ARVCF: variants seen among roughly 807,000 people sequenced by gnomAD.
ARVCF encodes ARVCF delta catenin family member, also known as splicing regulator ARVCF.
Under a neutral mutation model 90.9 loss-of-function variants are expected in ARVCF, and 66 were observed. The observed-to-expected ratio is 0.73, with a 90% CI of 0.60 to 0.89. ARVCF has a LOEUF of 0.89. Ranked by LOEUF, ARVCF falls within the 40% of genes least tolerant of loss-of-function variation. The probability of loss-of-function intolerance (pLI) is 0.00; values close to 1 mark genes in which losing one functional copy is unlikely to be tolerated. For synonymous variants in ARVCF, 653 were observed against 603.4 expected, an observed-to-expected ratio of 1.08 and a Z score of -1.21; for missense variants, 1,469 against 1,382.3, an observed-to-expected ratio of 1.06 and a Z score of -1.00.
intron 4 of ARVCF, 81 bp downstream of exon 4, chr22:19,981,852 G>A: frequency 6.4e-7 from 1 of 1,563,586 alleles, no homozygotes; most frequent in Non-Finnish European, 8.7e-7. Context: ...CACGTGGCAA[G>A]CTTCCATGTC....
At chr22:19,972,855 G>A in intron 15 of ARVCF, 28 bp from the exon 16 acceptor site, 3 of 1,613,654 alleles carry the variant, frequency 1.9e-6, no homozygotes, top group East Asian at 4.5e-5. Context: ...GACACAGGGT[G>A]GGTGAAGCAC....
At chr22:19,981,127 T>C in intron 5 of ARVCF, 84 bp downstream of exon 5, 1 of 1,435,262 alleles carries the variant, frequency 7.0e-7, no homozygotes, top group Non-Finnish European at 9.2e-7. Context: ...ACTGCGCCAC[T>C]TGACAAGTGG....
chr22:19,996,204 C>T (rs1218135238), intron 2 of ARVCF, among the ~76,000 whole-genome samples: 5 of 151,974 alleles, frequency 3.3e-5, no homozygotes, highest in East Asian at 2.0e-4. Flanking sequence ...GTGTTGGATC[C>T]GGGGTGCCTG....
At chr22:20,015,822 C>T (rs1945070163) in intron 1 of ARVCF, among the ~76,000 whole-genome samples, 1 of 152,070 alleles carries the variant, frequency 6.6e-6, no homozygotes, top group African/African-American at 2.4e-5. Flanking sequence ...AGCTGAAGTC[C>T]TTTAGTTCCA....
chr22:19,973,106 C>T lies in ARVCF; in HGVS notation c.2438+13G>A. On this transcript the variant is annotated intron_variant, in intron 14 of 19. Transcript: ENST00000263207. ...CCGCGGCTCCCCAAGCCACCGACCC[C>T]GCCCCTCCACACCTGGAGGCCACGA... is the stretch of plus-strand genomic sequence containing the variant. The T allele has an allele frequency of 6.2e-7, 1 of 1,601,952 alleles. No individual in the cohort carries two copies. The highest frequency in any genetic ancestry group is 1.1e-5 in the South Asian group (1 of 90,204).
chr22:20,014,838 C>A (rs559330224), intron 1 of ARVCF, among the ~76,000 whole-genome samples: 1 of 152,316 alleles, frequency 6.6e-6, no homozygotes, highest in South Asian at 2.1e-4. Flanking sequence ...CAGCCTCATG[C>A]TCCCCCAGGC....
At position 20,003,452 on chromosome 22, in the gene ARVCF, A is replaced by C. The variant is rs908126713; in HGVS notation, c.-19+7003T>G. Among the ~76,000 whole-genome samples the C allele has an allele frequency of 2.6e-5, 4 of 152,316 alleles. 1 individual carries two copies. The highest frequency in any genetic ancestry group is 4.4e-5 in the Non-Finnish European group (3 of 68,030). The stretch of plus-strand genomic sequence containing the variant: ...TAACCCTTATGAATACTGAAACAAA[A>C]ATTCTCAAAACAAACAAACAAACAA... On this transcript the variant is annotated intron_variant, in intron 2 of 19. Coordinates refer to ENST00000263207, the MANE Select transcript of ARVCF (RefSeq NM_001670.3).
chr22:19,980,890 G>C (rs112155095), intron 5 of ARVCF: 3 of 332,730 alleles, frequency 9.0e-6, no homozygotes, highest in Middle Eastern at 8.1e-4. Context: ...CAGAAACTGA[G>C]GGCAATGGGG....
chr22:20,008,218 G>A (rs1008313015), intron 2 of ARVCF, among the ~76,000 whole-genome samples: 2 of 152,178 alleles, frequency 1.3e-5, no homozygotes, highest in Middle Eastern at 3.2e-3. Context: ...GGGGCCAGGC[G>A]GCCGCAGGAG....
chr22:19,982,024 G>T lies in ARVCF; in HGVS notation c.278C>A (p.Thr93Asn), dbSNP rs778427475. ...MPEAPDVLEE[T>N]VTVEEDPGTP... Reference sequence around the variant, plus strand: ...GCCGGGGTCCTCCTCCACCGTCACGGTCTCCTCCAGCACATCAGGTGCCTC... The same window carrying T: ...GCCGGGGTCCTCCTCCACCGTCACGTTCTCCTCCAGCACATCAGGTGCCTC... The change falls in exon 4 of 20, where the codon ACC becomes AAC. Residue 93 changes from threonine (T) to asparagine (N), a missense_variant. Thr to Asn is a moderately conservative substitution (Grantham distance 65). Coordinates refer to ENST00000263207, the MANE Select transcript of ARVCF (RefSeq NM_001670.3). 6.8e-6 allele frequency: 11 copies of T among 1,612,974 alleles called. No homozygotes were observed. The East Asian group carries it at 2.0e-4, about 29-fold the overall frequency.
At chr22:19,980,288 A>C in intron 5 of ARVCF, 46 bp from the exon 6 acceptor site, 2 of 1,489,270 alleles carry the variant, frequency 1.3e-6, no homozygotes, top group Non-Finnish European at 1.8e-6. Context: ...AGCAGCCGCC[A>C]GCCCTGCCTC....
chr22:19,981,220 A>T lies in ARVCF; in HGVS notation c.887T>A (p.Leu296His). 1.9e-6 allele frequency: 3 copies of T among 1,539,478 alleles called. No homozygotes were observed. The change falls in exon 5 of 20, where the codon CTT becomes CAT. Residue 296 changes from leucine (L) to histidine (H), a missense_variant. Leu to His is a moderately conservative substitution (Grantham distance 99). Coordinates refer to ENST00000263207, the MANE Select transcript of ARVCF (RefSeq NM_001670.3). ...TRRRPECGRGLHTRAYEDTAD... is the reference protein window; with the variant it reads ...TRRRPECGRGHHTRAYEDTAD... ...ACGGGGTGCAGCTCACCTGGTATGA[A>T]GGCCCCGCCCACACTCAGGCCTCCT...
At chr22:20,015,964 G>C (rs536758562) in intron 1 of ARVCF, among the ~76,000 whole-genome samples, 791 of 25,658 alleles carry the variant, frequency 0.031, 7 homozygotes, top group African/African-American at 0.19. Flanking sequence ...CCAGCAAACC[G>C]AGCAGTCTCC....
intron 2 of ARVCF, among the ~76,000 whole-genome samples, chr22:19,998,259 G>A (rs73880066): frequency 0.018 from 2,776 of 152,334 alleles, 71 homozygotes; most frequent in African/African-American, 0.052. Flanking sequence ...ATTGGAAGAC[G>A]GGGTTAGACC....
chr22:19,972,403 T>C lies in ARVCF; in HGVS notation c.2650A>G (p.Lys884Glu). The change falls in exon 17 of 20, where the codon AAA (lysine) becomes GAA (glutamate). Residue 884 changes from lysine to glutamate, a missense_variant. Coordinates refer to ENST00000263207, the MANE Select transcript of ARVCF (RefSeq NM_001670.3). ...GGGATCACATCCCGGCTGCCAGTTTTCTCGCCCTCTGCAAGGCAGGAGGAG... is the reference window on the plus strand; with the variant it reads ...GGGATCACATCCCGGCTGCCAGTTTCCTCGCCCTCTGCAAGGCAGGAGGAG... Reference protein sequence around the residue: ...PLVDKSLEGEKTGSRDVIPMD... With the variant: ...PLVDKSLEGEETGSRDVIPMD... 1 of 1,613,548 alleles carries C rather than the reference T, an allele frequency of 6.2e-7. No individual in the cohort carries two copies. The highest frequency in any genetic ancestry group is 8.5e-7 in the Non-Finnish European group (1 of 1,179,970).
At chr22:20,006,581 A>G (rs1272523483) in intron 2 of ARVCF, among the ~76,000 whole-genome samples, 1 of 148,656 alleles carries the variant, frequency 6.7e-6, no homozygotes, top group East Asian at 2.0e-4. Context: ...TCTGTCTCAA[A>G]AAAAAAAAAG....
At chr22:20,011,387 C>T (rs1277848730) in intron 1 of ARVCF, among the ~76,000 whole-genome samples, 1 of 151,866 alleles carries the variant, frequency 6.6e-6, no homozygotes, top group African/African-American at 2.4e-5. Context: ...GTAATGAGAG[C>T]TCTCTCCCCC....
At chr22:19,990,055 A>G (rs936044744) in intron 3 of ARVCF, among the ~76,000 whole-genome samples, 2 of 152,174 alleles carry the variant, frequency 1.3e-5, no homozygotes, top group African/African-American at 2.4e-5. Context: ...GCATACCCCA[A>G]CTTTAGAGTT....
chr22:19,973,897 G>T (rs956025773), intron 12 of ARVCF, 104 bp from the exon 13 acceptor site: 51 of 1,507,738 alleles, frequency 3.4e-5, no homozygotes, highest in Non-Finnish European at 4.5e-5. Flanking sequence ...TCCCGTGCCC[G>T]ACAAAGCCCT....
Sources: gnomAD v4.1 joint callset for allele counts (sites outside exome capture counted in the v4.1 genomes callset) on GRCh38, gnomAD v4.1.1 for gene constraint, MANE v1.5 for transcripts, NCBI Gene and HGNC (gene_info 2026-07-23, HGNC 2026-07-21) for gene names.